MYOF: variants seen among roughly 807,000 people sequenced by gnomAD.
The protein encoded by MYOF is fer-1-like 3, myoferlin.
Under a neutral mutation model 284.2 loss-of-function variants are expected in MYOF, and 244 were observed. That is an observed-to-expected ratio of 0.86 (90% CI 0.77 to 0.95). The LOEUF (loss-of-function observed/expected upper bound fraction) is 0.95, where lower values mean the gene tolerates loss of function less well. MYOF is among the 40% of genes least tolerant of loss of function. The pLI is 0.00. For missense variants in MYOF, 2,496 were observed against 2,560.6 expected (o/e 0.97, Z 0.54); for synonymous variants, 904 against 919.7 (o/e 0.98, Z 0.31).
intron 3 of MYOF, among the ~76,000 whole-genome samples, chr10:93,443,394 C>A (rs1222465151): frequency 6.6e-6 from 1 of 152,086 alleles, no homozygotes; most frequent in African/African-American, 2.4e-5. Flanking sequence ...AAGGGGAATT[C>A]TCTGCAAGTC....
chr10:93,407,468 C>T lies in MYOF; in HGVS notation c.729+1319G>A, dbSNP rs369164689. Among the ~76,000 whole-genome samples, 75 of 143,172 alleles carry T rather than the reference C, an allele frequency of 5.2e-4. 4 individuals carry two copies. Among genetic ancestry groups the T allele is most frequent in the African/African-American group, 1.6e-3 (61 of 38,352 alleles). 93.9% of individuals were successfully genotyped at this position (143,172 alleles called of 152,430 possible). A position where few individuals can be genotyped will look rare whatever the true frequency, so the allele number is the denominator to read the frequency against. Reference sequence around the variant, plus strand: ...AAAAAAGGCCGGGTGTGGTGGCTCACGCCTGTAATCCCAGCACTATGGGAG... The same window carrying T: ...AAAAAAGGCCGGGTGTGGTGGCTCATGCCTGTAATCCCAGCACTATGGGAG... On this transcript the variant is annotated intron_variant, in intron 7 of 53. Transcript: ENST00000359263.
intron 50 of MYOF, among the ~76,000 whole-genome samples, chr10:93,314,191 C>T (rs1257872136): frequency 2.0e-5 from 3 of 152,114 alleles, no homozygotes; most frequent in Admixed American, 6.5e-5. Flanking sequence ...TGGGTTCAAG[C>T]GATTCTCATG....
At chr10:93,309,061 G>T (rs1308449992) in intron 53 of MYOF, among the ~76,000 whole-genome samples, 1 of 152,174 alleles carries the variant, frequency 6.6e-6, no homozygotes, top group African/African-American at 2.4e-5. Flanking sequence ...AATGTCTCCT[G>T]TGACATTCAG....
chr10:93,417,198 A>G (rs1465215329), intron 5 of MYOF, among the ~76,000 whole-genome samples: 1 of 152,152 alleles, frequency 6.6e-6, no homozygotes, highest in Non-Finnish European at 1.5e-5. Flanking sequence ...AAATCCTACA[A>G]AGCTTCTCAC....
intron 53 of MYOF, among the ~76,000 whole-genome samples, chr10:93,308,900 C>G (rs981657846): frequency 1.3e-5 from 2 of 151,982 alleles, no homozygotes; most frequent in Admixed American, 1.3e-4. Context: ...TTAGTAGAGA[C>G]GGGGTTTCGC....
In MYOF at chr10:93,316,714, C is replaced by G; in HGVS notation, c.5698G>C (p.Gly1900Arg). 1.2e-6 allele frequency: 2 copies of G among 1,609,476 alleles called. No homozygotes were observed. The highest frequency in any genetic ancestry group is 1.7e-6 in the Non-Finnish European group (2 of 1,175,840). ...NDKFSLDDYL[G>R]FLELDLRHTI... ...ACAATGATCCAAATGTAAGCCCTAC[C>G]CAAGTAGTCATCCAGAGAAAACTTG... The change falls in exon 50 of 54, where the codon GGT (glycine) becomes CGT (arginine). Residue 1900 changes from glycine to arginine, a missense_variant and splice_region_variant. By Grantham distance (125) the Gly-to-Arg change is moderately radical (BLOSUM62 -2). This residue lies in a region of MYOF where 2,436 missense variants were observed against 2,480.7 expected (regional missense o/e 0.98). Coordinates refer to ENST00000359263, the MANE Select transcript of MYOF (RefSeq NM_013451.4).
At chr10:93,314,875 C>CATGTGT (rs200900568) in intron 50 of MYOF, among the ~76,000 whole-genome samples, 3,506 of 152,160 alleles carry the variant, frequency 0.023, 59 homozygotes, top group Non-Finnish European at 0.037. Flanking sequence ...ATGGCAAAAC[C>CATGTGT]CTGTCTCTAC....
chr10:93,404,234 G>A lies in MYOF; in HGVS notation c.730-15C>T. The A allele has an allele frequency of 6.2e-7, 1 of 1,613,324 alleles. No homozygotes were observed. The highest frequency in any genetic ancestry group is 8.5e-7 in the Non-Finnish European group (1 of 1,179,480). ...TAGAAAAACAACTGCCAAAACAATA[G>A]AGCAGATGTTTAAATGTTAACAGGG... On this transcript the variant is annotated splice_polypyrimidine_tract_variant and intron_variant, in intron 7 of 53. Coordinates refer to ENST00000359263, the MANE Select transcript of MYOF (RefSeq NM_013451.4).
chr10:93,384,234 T>C (rs1846252759), intron 19 of MYOF, among the ~76,000 whole-genome samples: 1 of 152,212 alleles, frequency 6.6e-6, no homozygotes, highest in Non-Finnish European at 1.5e-5. Context: ...CCTTTCCCAC[T>C]TCCTCTCTGC....
intron 19 of MYOF, among the ~76,000 whole-genome samples, chr10:93,382,415 A>G (rs10748598): frequency 0.43 from 64,754 of 152,056 alleles, 15,946 homozygotes; most frequent in East Asian, 0.86. Context: ...TGATTTTCTA[A>G]TCAGAAATAA....
At chr10:93,444,295 A>G (rs2056364936) in intron 3 of MYOF, among the ~76,000 whole-genome samples, 1 of 152,238 alleles carries the variant, frequency 6.6e-6, no homozygotes, top group Non-Finnish European at 1.5e-5. Flanking sequence ...TATGCCAGGC[A>G]CTGTGCTAAG....
At chr10:93,354,905 A>G (rs1047259583) in intron 31 of MYOF, among the ~76,000 whole-genome samples, 9 of 152,226 alleles carry the variant, frequency 5.9e-5, no homozygotes, top group Admixed American at 3.9e-4. Flanking sequence ...ACAAGTTATA[A>G]TATGTACAGG....
chr10:93,449,507 AT>A (rs2056531679), intron 3 of MYOF, among the ~76,000 whole-genome samples: 1 of 152,188 alleles, frequency 6.6e-6, no homozygotes, highest in South Asian at 2.1e-4. Flanking sequence ...ACTTTGAAAT[AT>A]GGGAAATAAA....
intron 38 of MYOF, 131 bp from the exon 39 acceptor site, chr10:93,340,295 C>A: frequency 1.2e-6 from 1 of 854,788 alleles, no homozygotes; most frequent in Non-Finnish European, 1.9e-6. Flanking sequence ...CTTATATTAT[C>A]AACATTTCAA....
Position 93,323,363 on chromosome 10 carries a change from A to G in MYOF, c.5272-5T>C. On this transcript the variant is annotated splice_region_variant and splice_polypyrimidine_tract_variant and intron_variant, in intron 46 of 53. Coordinates refer to ENST00000359263, the MANE Select transcript of MYOF (RefSeq NM_013451.4). ...CACCCACATCTGAAGTTTTCCCTAA[A>G]CCATTTGAAAATGAAAAGAGGACTG... is the stretch of plus-strand genomic sequence containing the variant. The G allele has an allele frequency of 1.3e-6, 2 of 1,598,076 alleles. No individual in the cohort carries two copies. The highest frequency in any genetic ancestry group is 1.7e-6 in the Non-Finnish European group (2 of 1,168,740).
chr10:93,429,155 A>G (rs1288090062), intron 4 of MYOF, among the ~76,000 whole-genome samples: 1 of 152,092 alleles, frequency 6.6e-6, no homozygotes, highest in African/African-American at 2.4e-5. Flanking sequence ...TTCTCATTCT[A>G]TTAGTTATTG....
chr10:93,325,829 G>A lies in MYOF; in HGVS notation c.5268C>T (p.Ser1756=). ...TLHSTFQPNI[S]QGKLQMWVDV... ...CAAGGGAGGGAAGGCCCTTTACCTG[G>A]GAAATGTTGGGCTGGAAGGTGCTGT... The change falls in exon 46 of 54, where the codon TCC becomes TCT. Residue 1756 remains serine, a synonymous_variant. Transcript: ENST00000359263. 1.2e-6 allele frequency: 2 copies of A among 1,612,118 alleles called. No individual in the cohort carries two copies. Among genetic ancestry groups the A allele is most frequent in the Non-Finnish European group, 1.7e-6 (2 of 1,179,258 alleles).
intron 1 of MYOF, among the ~76,000 whole-genome samples, chr10:93,457,758 G>A (rs1407863578): frequency 6.9e-6 from 1 of 145,022 alleles, no homozygotes; most frequent in Non-Finnish European, 1.5e-5. Context: ...TTTTGAGACA[G>A]GGTCTCGCGA....
chr10:93,325,753 C>A (rs150505960), intron 46 of MYOF, 73 bp downstream of exon 46: 1 of 1,502,088 alleles, frequency 6.7e-7, no homozygotes, highest in Admixed American at 2.3e-5. Flanking sequence ...AGATAAAAGG[C>A]GCAAAAATGT....
Sources: allele counts gnomAD v4.1 joint callset (sites outside exome capture counted in the v4.1 genomes callset), GRCh38; gene constraint gnomAD v4.1.1; regional missense constraint gnomAD v4.1.1; transcripts MANE v1.5; gene names NCBI Gene and HGNC (gene_info 2026-07-23, HGNC 2026-07-21).